DDX46: variants seen among roughly 807,000 people sequenced by gnomAD.
DDX46 encodes the protein DEAD-box helicase 46.
Under a neutral mutation model 134.9 loss-of-function variants are expected in DDX46, and 30 were observed. That is an observed-to-expected ratio of 0.22 (90% CI 0.17 to 0.30). DDX46 has a LOEUF of 0.30. Among genes scored for constraint, DDX46 ranks in the 10% least tolerant of loss-of-function variants. The probability of loss-of-function intolerance (pLI) is 1.00; values close to 1 mark genes in which losing one functional copy is unlikely to be tolerated. For synonymous variants in DDX46, 415 were observed against 404.1 expected (o/e 1.03, Z -0.32); for missense variants, 622 against 1,248.7 (o/e 0.50, Z 7.56).
chr5:134,781,173 C>G lies in DDX46; in HGVS notation c.806C>G (p.Thr269Arg), dbSNP rs142169100. Reference protein sequence around the residue: ...PTVTKVVTVVTTKKAVVDSDK... With the variant: ...PTVTKVVTVVRTKKAVVDSDK... ...GTCACAAAAGTTGTCACTGTTGTGA[C>G]AACCAAAAAAGCAGTTGTGGATTCT... The change falls in exon 7 of 23, where the codon ACA becomes AGA. Residue 269 changes from threonine (T) to arginine (R), a missense_variant. By Grantham distance (71) the Thr-to-Arg change is moderately conservative (BLOSUM62 -1). This residue lies in a region of DDX46 where 244 missense variants were observed against 349.3 expected (regional missense o/e 0.70). Coordinates refer to ENST00000452510, the MANE Select transcript of DDX46 (RefSeq NM_001300860.2). 105 of 1,601,498 alleles carry G rather than the reference C, an allele frequency of 6.6e-5. No homozygotes were observed. Among genetic ancestry groups the G allele is most frequent in the Non-Finnish European group, 8.6e-5 (101 of 1,177,242 alleles).
At chr5:134,820,326 T>TA (rs1353435604) in intron 21 of DDX46, among the ~76,000 whole-genome samples, 1 of 152,242 alleles carries the variant, frequency 6.6e-6, no homozygotes, top group East Asian at 1.9e-4. Flanking sequence ...GACTGCTAGA[T>TA]AATAGCACCA....
intron 11 of DDX46, 49 bp from the exon 12 acceptor site, chr5:134,788,464 T>G: frequency 6.8e-7 from 1 of 1,481,098 alleles, no homozygotes; most frequent in Non-Finnish European, 9.4e-7. Context: ...TTTTTTAGTG[T>G]TTAAGTAAGC....
intron 2 of DDX46, 105 bp from the exon 3 acceptor site, chr5:134,766,812 A>G (rs1318180123): frequency 7.5e-7 from 1 of 1,340,038 alleles, no homozygotes; most frequent in Non-Finnish European, 1.0e-6. Flanking sequence ...CTCCACCTTT[A>G]ATAATGGTAG....
At chr5:134,758,999 G>C (rs750829279) in intron 1 of DDX46, 44 bp downstream of exon 1, 1 of 1,603,894 alleles carries the variant, frequency 6.2e-7, no homozygotes, top group Admixed American at 1.7e-5. Context: ...GCGGCTTCTT[G>C]GGGTCGTGAG....
At chr5:134,811,425 C>T in intron 17 of DDX46, 67 bp downstream of exon 17, 10 of 1,542,598 alleles carry the variant, frequency 6.5e-6, no homozygotes, top group Non-Finnish European at 8.7e-6. Flanking sequence ...TTATTTAATT[C>T]TTGGAAATCT....
Position 134,816,421 on chromosome 5 carries a change from T to C in DDX46, c.2437-9T>C, listed in dbSNP as rs1353790478. ...TTTTTTACTAGTCCTTTTTTTCCTT[T>C]TGATCTAGATTGATGAGCAAATTGA... is the stretch of plus-strand genomic sequence containing the variant. On this transcript the variant is annotated splice_polypyrimidine_tract_variant and intron_variant, in intron 18 of 22. Coordinates refer to ENST00000452510, the MANE Select transcript of DDX46 (RefSeq NM_001300860.2). The C allele has an allele frequency of 6.4e-7, 1 of 1,565,882 alleles. No homozygotes were observed. The highest frequency in any genetic ancestry group is 1.4e-5 in the African/African-American group (1 of 72,736).
At chr5:134,798,111 C>G (rs1318723968) in intron 15 of DDX46, among the ~76,000 whole-genome samples, 1 of 152,036 alleles carries the variant, frequency 6.6e-6, no homozygotes, top group Non-Finnish European at 1.5e-5. Flanking sequence ...CGTGCCCGGC[C>G]CGAAAATGAC....
chr5:134,822,962 A>G (rs1179328518), intron 21 of DDX46, among the ~76,000 whole-genome samples: 1 of 152,162 alleles, frequency 6.6e-6, no homozygotes, highest in Non-Finnish European at 1.5e-5. Flanking sequence ...ACAGGAAATA[A>G]AGAGAAGCTA....
intron 2 of DDX46, among the ~76,000 whole-genome samples, chr5:134,764,453 TTG>T (rs1753495969): frequency 6.6e-6 from 1 of 152,062 alleles, no homozygotes; most frequent in African/African-American, 2.4e-5. Context: ...TGTCTAATTT[TTG>T]TGTCTTTAAA....
At chr5:134,795,840 T>G in intron 14 of DDX46, 148 bp from the exon 15 acceptor site, 1 of 755,984 alleles carries the variant, frequency 1.3e-6, no homozygotes, top group Admixed American at 3.1e-5. Flanking sequence ...TTTTTATCAT[T>G]TACAATTAAA....
At chr5:134,775,825 A>C (rs970624125) in intron 5 of DDX46, among the ~76,000 whole-genome samples, 2 of 152,168 alleles carry the variant, frequency 1.3e-5, no homozygotes, top group Admixed American at 1.3e-4. Context: ...TAGACAATCT[A>C]ATCTTTTTTA....
chr5:134,813,330 C>T (rs1054249222), intron 18 of DDX46, among the ~76,000 whole-genome samples: 1 of 152,302 alleles, frequency 6.6e-6, no homozygotes, highest in Admixed American at 6.5e-5. Flanking sequence ...TCACATAGTT[C>T]CTTATGGTCA....
At chr5:134,790,331 A>G in intron 12 of DDX46, 139 bp from the exon 13 acceptor site, 3 of 702,496 alleles carry the variant, frequency 4.3e-6, no homozygotes, top group Non-Finnish European at 7.1e-6. Flanking sequence ...TTCACTTTTT[A>G]AAGATACCTA....
intron 15 of DDX46, among the ~76,000 whole-genome samples, chr5:134,797,852 G>C (rs564905387): frequency 1.3e-3 from 200 of 152,224 alleles, no homozygotes; most frequent in African/African-American, 4.7e-3. Flanking sequence ...TGCTCTTGTT[G>C]CCCAGGCTGG....
intron 9 of DDX46, among the ~76,000 whole-genome samples, chr5:134,783,705 A>G (rs946321877): frequency 6.7e-6 from 1 of 150,064 alleles, no homozygotes; most frequent in Non-Finnish European, 1.5e-5. Context: ...ATGTGCCACC[A>G]TGCCTGGCTA....
intron 17 of DDX46, 65 bp downstream of exon 17, chr5:134,811,423 T>C (rs1580813528): frequency 6.5e-7 from 1 of 1,548,874 alleles, no homozygotes; most frequent in East Asian, 2.3e-5. Flanking sequence ...GATTATTTAA[T>C]TCTTGGAAAT....
At chr5:134,781,852 G>T in intron 7 of DDX46, 69 bp from the exon 8 acceptor site, 1 of 1,417,174 alleles carries the variant, frequency 7.1e-7, no homozygotes, top group Non-Finnish European at 9.7e-7. Context: ...GAAAAGCTAG[G>T]AGTATTGCTT....
At chr5:134,797,394 A>G (rs893708372) in intron 15 of DDX46, among the ~76,000 whole-genome samples, 1 of 152,108 alleles carries the variant, frequency 6.6e-6, no homozygotes, top group African/African-American at 2.4e-5. Flanking sequence ...GACACAGTGG[A>G]GCTGGGCATC....
At chr5:134,760,798 C>T (rs1301901283) in intron 1 of DDX46, among the ~76,000 whole-genome samples, 2 of 151,344 alleles carry the variant, frequency 1.3e-5, no homozygotes, top group Non-Finnish European at 2.9e-5. Flanking sequence ...GGTGGGATCT[C>T]GGCTCACTGC....
Sources: gnomAD v4.1 joint callset for allele counts (sites outside exome capture counted in the v4.1 genomes callset) on GRCh38, gnomAD v4.1.1 for gene constraint, gnomAD v4.1.1 regional missense constraint, MANE v1.5 for transcripts, NCBI Gene and HGNC (gene_info 2026-07-23, HGNC 2026-07-21) for gene names.